SESTD1: variants seen among roughly 807,000 people sequenced by gnomAD.
SESTD1 encodes the protein SEC14 and spectrin domain containing 1, also known as SEC14 domain and spectrin repeat-containing protein 1.
Under a neutral mutation model 101.7 loss-of-function variants are expected in SESTD1, and 43 were observed. That is an observed-to-expected ratio of 0.42 (90% confidence interval 0.33 to 0.55). The LOEUF is 0.55. Ranked by LOEUF, SESTD1 falls within the 20% of genes least tolerant of loss-of-function variation. The pLI is 0.07. For missense variants in SESTD1, 647 were observed against 815.1 expected, an observed-to-expected ratio of 0.79 and a Z score of 2.51; for synonymous variants, 283 against 286.8, an observed-to-expected ratio of 0.99 and a Z score of 0.13.
chr2:179,132,858 T>TAATC (rs2105428877), intron 9 of SESTD1, among the ~76,000 whole-genome samples: 1 of 152,326 alleles, frequency 6.6e-6, no homozygotes, highest in South Asian at 2.1e-4. Flanking sequence ...CAAGATAACA[T>TAATC]AATCCATTAT....
At position 179,219,243 on chromosome 2, in the gene SESTD1, TG is replaced by T. The variant is rs1255221154; in HGVS notation, c.-25-27378del. 2.6e-5 allele frequency among the ~76,000 whole-genome samples: 4 copies of T among 152,220 alleles called. No homozygotes were observed. The East Asian group carries it at 7.7e-4, about 29-fold the overall frequency. On this transcript the variant is annotated intron_variant, in intron 1 of 17. Coordinates refer to ENST00000428443, the MANE Select transcript of SESTD1 (RefSeq NM_178123.5). ...GAATTGCAGGCCTTTTAATCAAGACTGGGAAAACTGCACTTTATGAGAGACT... is the reference window on the plus strand; with the variant it reads ...GAATTGCAGGCCTTTTAATCAAGACTGGAAAACTGCACTTTATGAGAGACT...
At chr2:179,238,776 T>C (rs1283569527) in intron 1 of SESTD1, among the ~76,000 whole-genome samples, 1 of 152,162 alleles carries the variant, frequency 6.6e-6, no homozygotes, top group Non-Finnish European at 1.5e-5. Context: ...AGGAAAGGCT[T>C]TGTTGTCACA....
intron 14 of SESTD1, 84 bp from the exon 15 acceptor site, chr2:179,116,874 T>C (rs1024375051): frequency 6.7e-7 from 1 of 1,499,010 alleles, no homozygotes; most frequent in Non-Finnish European, 9.0e-7. Context: ...GAGATTACTA[T>C]CATGTGATTA....
At chr2:179,192,640 T>C (rs764776861) in intron 1 of SESTD1, among the ~76,000 whole-genome samples, 16 of 152,130 alleles carry the variant, frequency 1.1e-4, no homozygotes, top group Non-Finnish European at 2.2e-4. Context: ...ACTACCCTTA[T>C]AGCAAGGGCT....
chr2:179,263,924 G>C (rs983612972), intron 1 of SESTD1: 2 of 152,362 alleles, frequency 1.3e-5, no homozygotes, highest in African/African-American at 4.8e-5. Context: ...CTGAGGAGGC[G>C]TCCAGGAGCC....
intron 1 of SESTD1, among the ~76,000 whole-genome samples, chr2:179,254,834 G>A (rs575855352): frequency 1.6e-4 from 24 of 152,230 alleles, no homozygotes; most frequent in African/African-American, 5.8e-4. Context: ...ATAGATTGAA[G>A]GTTGGTGATA....
intron 1 of SESTD1, among the ~76,000 whole-genome samples, chr2:179,262,247 T>C (rs2047493153): frequency 6.6e-6 from 1 of 152,186 alleles, no homozygotes; most frequent in Non-Finnish European, 1.5e-5. Flanking sequence ...CAAGGTTCTT[T>C]TTAGGGTAAT....
At chr2:179,218,967 ACTCT>A (rs1459446317) in intron 1 of SESTD1, among the ~76,000 whole-genome samples, 1 of 152,206 alleles carries the variant, frequency 6.6e-6, no homozygotes, top group Non-Finnish European at 1.5e-5. Context: ...CAAAACACTT[ACTCT>A]AAGAATCCTA....
chr2:179,236,400 G>C (rs1223813350), intron 1 of SESTD1, among the ~76,000 whole-genome samples: 4 of 151,216 alleles, frequency 2.6e-5, no homozygotes, highest in Non-Finnish European at 5.9e-5. Context: ...GCGAGGCTGA[G>C]GTGGGAGGAC....
chr2:179,123,471 T>C (rs970251225), intron 12 of SESTD1, among the ~76,000 whole-genome samples: 10 of 152,130 alleles, frequency 6.6e-5, no homozygotes, highest in Admixed American at 2.6e-4. Flanking sequence ...CCTGTAGATA[T>C]AGCTGGGTAA....
At chr2:179,119,671 G>C (rs1460871456) in intron 13 of SESTD1, among the ~76,000 whole-genome samples, 1 of 152,182 alleles carries the variant, frequency 6.6e-6, no homozygotes, top group African/African-American at 2.4e-5. Context: ...ATAAATACAA[G>C]GGGCCTGGTG....
intron 10 of SESTD1, chr2:179,131,991 A>G (rs2045024715): frequency 5.8e-6 from 1 of 172,772 alleles, no homozygotes; most frequent in Non-Finnish European, 1.2e-5. Flanking sequence ...AGTTTCTGTC[A>G]CAGAGACTAC....
intron 5 of SESTD1, among the ~76,000 whole-genome samples, chr2:179,152,329 A>G (rs1245181629): frequency 2.0e-5 from 3 of 152,188 alleles, no homozygotes; most frequent in African/African-American, 7.2e-5. Context: ...CACAGAGAGA[A>G]AGGTGAAAGG....
rs192602426 is a variant in SESTD1 at position 179,207,828 on chromosome 2, C to T, written c.-25-15962G>A. On this transcript the variant is annotated intron_variant, in intron 1 of 17. Transcript: ENST00000428443. ...GACAAAATGAGGTTCTATAACACCCCCAAAAGATCACACTAGCTCCTCTCT... is the reference window on the plus strand; with the variant it reads ...GACAAAATGAGGTTCTATAACACCCTCAAAAGATCACACTAGCTCCTCTCT... Among the ~76,000 whole-genome samples, 378 of 134,026 alleles carry T rather than the reference C, an allele frequency of 2.8e-3. 72 individuals carry two copies. Among genetic ancestry groups the T allele is most frequent in the Non-Finnish European group, 1.6e-3 (103 of 62,556 alleles). 87.9% of individuals were successfully genotyped at this position (134,026 alleles called of 152,430 possible).
intron 1 of SESTD1, among the ~76,000 whole-genome samples, chr2:179,242,495 C>A (rs1283139094): frequency 6.6e-6 from 1 of 152,012 alleles, no homozygotes; most frequent in Non-Finnish European, 1.5e-5. Flanking sequence ...AAAAAACGAC[C>A]CAAGTACCCA....
rs141203169 is a variant in SESTD1, at chr2:179,229,782, T to TACACACACACAC, written c.-26+34705_-26+34716dup. 8.7e-4 allele frequency among the ~76,000 whole-genome samples: 101 copies of TACACACACACAC among 115,458 alleles called. 3 individuals are homozygous for TACACACACACAC. The highest frequency in any genetic ancestry group is 2.7e-3 in the African/African-American group (85 of 31,926). 75.7% of individuals were successfully genotyped at this position (115,458 alleles called of 152,430 possible). ...ATATATATATATATATATACTCAAATACACACACACACACACACACACACA... is the reference window on the plus strand; with the variant it reads ...ATATATATATATATATATACTCAAATACACACACACACACACACACACACACACACACACACA... On this transcript the variant is annotated intron_variant, in intron 1 of 17. Transcript: ENST00000428443.
intron 1 of SESTD1, among the ~76,000 whole-genome samples, chr2:179,204,381 T>C (rs2046564211): frequency 7.4e-6 from 1 of 134,386 alleles, no homozygotes; most frequent in Non-Finnish European, 1.6e-5. Context: ...TCACTAACAA[T>C]GTTATTTCTG....
chr2:179,174,027 A>T (rs1276280832), intron 4 of SESTD1, among the ~76,000 whole-genome samples: 2 of 152,210 alleles, frequency 1.3e-5, no homozygotes, highest in Non-Finnish European at 2.9e-5. Context: ...AGGTAAGTAA[A>T]ATAAATTCAA....
intron 5 of SESTD1, among the ~76,000 whole-genome samples, chr2:179,162,852 G>A (rs753000497): frequency 8.6e-5 from 13 of 151,420 alleles, no homozygotes; most frequent in East Asian, 3.9e-4. Flanking sequence ...TTAGCTGGGC[G>A]TGGTGGTGCA....
Sources: gnomAD v4.1 joint callset for allele counts (sites outside exome capture counted in the v4.1 genomes callset) on GRCh38, gnomAD v4.1.1 for gene constraint, MANE v1.5 for transcripts, NCBI Gene and HGNC (gene_info 2026-07-23, HGNC 2026-07-21) for gene names.